The following CLDN14 variants were observed in gnomAD, a reference collection of about 807,000 sequenced individuals.
CLDN14 encodes claudin 14.
In CLDN14, 2 loss-of-function variants were observed where a neutral mutation model predicts 2.1. The observed-to-expected ratio is 0.96, with a 90% CI of 0.39 to 3.01. The LOEUF (loss-of-function observed/expected upper bound fraction) is 3.01, where lower values mean the gene tolerates loss of function less well. Ranked by LOEUF, CLDN14 falls within the 30% of genes most tolerant of loss-of-function variation. The pLI is 0.09. For missense variants in CLDN14, 298 were observed against 328.0 expected, an observed-to-expected ratio of 0.91 and a Z score of 0.71; for synonymous variants, 136 against 154.4, an observed-to-expected ratio of 0.88 and a Z score of 0.88.
At chr21:36,464,376 G>A (rs567879003) in intron 1 of CLDN14, among the ~76,000 whole-genome samples, 3 of 152,204 alleles carry the variant, frequency 2.0e-5, no homozygotes, top group Non-Finnish European at 2.9e-5. Flanking sequence ...GATACACCGA[G>A]TATTTTTCTG....
chr21:36,527,779 T>C (rs907377491), intron 1 of CLDN14, among the ~76,000 whole-genome samples: 38 of 152,118 alleles, frequency 2.5e-4, no homozygotes, highest in African/African-American at 9.2e-4. Context: ...TGAAATCTAA[T>C]GTCCTAATTT....
intron 1 of CLDN14, among the ~76,000 whole-genome samples, chr21:36,559,436 A>T (rs365887): frequency 0.75 from 113,495 of 152,118 alleles, 43,936 homozygotes; most frequent in Non-Finnish European, 0.87. Flanking sequence ...ACCTCAGGTG[A>T]CCCGCCCACC....
intron 1 of CLDN14, among the ~76,000 whole-genome samples, chr21:36,536,933 G>C (rs889043949): frequency 5.9e-5 from 9 of 152,216 alleles, no homozygotes; most frequent in African/African-American, 1.9e-4. Context: ...GCTCACACCT[G>C]TAATCCCAGC....
intron 1 of CLDN14, among the ~76,000 whole-genome samples, chr21:36,525,492 G>C (rs1289025910): frequency 6.6e-6 from 1 of 152,128 alleles, no homozygotes; most frequent in Non-Finnish European, 1.5e-5. Flanking sequence ...TGATGATGGG[G>C]GTTGGAGGAT....
At chr21:36,564,625 G>A (rs1446760337) in intron 1 of CLDN14, among the ~76,000 whole-genome samples, 2 of 152,164 alleles carry the variant, frequency 1.3e-5, no homozygotes, top group Non-Finnish European at 2.9e-5. Context: ...GGCTGTGGTT[G>A]TAAAATAATT....
At chr21:36,489,131 A>AAAAAAAAAAATAT in intron 2 of CLDN14, among the ~76,000 whole-genome samples, 5 of 62,748 alleles carry the variant, frequency 8.0e-5, no homozygotes, top group South Asian at 6.0e-4. Flanking sequence ...AAAAAAAAAA[A>AAAAAAAAAAATAT]ATATATATAT....
At chr21:36,568,114 G>A (rs1408450636) in intron 1 of CLDN14, among the ~76,000 whole-genome samples, 1 of 152,160 alleles carries the variant, frequency 6.6e-6, no homozygotes, top group Non-Finnish European at 1.5e-5. Flanking sequence ...ACAAGTGGGA[G>A]GTTACAGAGT....
At chr21:36,518,118 G>A (rs1395673306) in intron 1 of CLDN14, among the ~76,000 whole-genome samples, 1 of 148,592 alleles carries the variant, frequency 6.7e-6, no homozygotes, top group Non-Finnish European at 1.5e-5. Flanking sequence ...ACGACCTGTT[G>A]GTTTTGTTAC....
intron 2 of CLDN14, among the ~76,000 whole-genome samples, chr21:36,505,068 C>T (rs1022565470): frequency 8.5e-5 from 13 of 152,112 alleles, no homozygotes; most frequent in African/African-American, 3.1e-4. Flanking sequence ...AAAAGGAAGC[C>T]CATGAAGCTT....
At chr21:36,545,155 A>G (rs2087518338) in intron 1 of CLDN14, among the ~76,000 whole-genome samples, 1 of 152,164 alleles carries the variant, frequency 6.6e-6, no homozygotes. Context: ...TGCATTCTCC[A>G]CTTAAACCAG....
intron 1 of CLDN14, among the ~76,000 whole-genome samples, chr21:36,523,784 A>AG (rs1491498017): frequency 8.5e-5 from 1 of 11,732 alleles, no homozygotes; most frequent in African/African-American, 1.2e-4. Context: ...AGAAAGAGAG[A>AG]AAGAAAGAAA....
intron 1 of CLDN14, among the ~76,000 whole-genome samples, chr21:36,559,627 A>G (rs917071467): frequency 1.3e-5 from 2 of 152,270 alleles, no homozygotes; most frequent in African/African-American, 4.8e-5. Flanking sequence ...ACTTAAAAAC[A>G]AGAACAAACA....
In CLDN14 at chr21:36,544,457, C is replaced by T. The variant is rs150120917; in HGVS notation, c.-220+31954G>A. Among the ~76,000 whole-genome samples the T allele has an allele frequency of 1.6e-3, 242 of 152,272 alleles. No homozygotes were observed. Among genetic ancestry groups the T allele is most frequent in the Middle Eastern group, 3.4e-3 (1 of 294 alleles). ...TTCTCCCAGGCCTCAGACAGTCATC[C>T]CTGCCTGCAGCTATTGACTGTTTGC... On this transcript the variant is annotated intron_variant, in intron 1 of 2. Coordinates refer to the CLDN14 transcript ENST00000342108. This position sits in a 1 kb window ranked among gnomAD's most constrained non-coding sequence, Gnocchi z 4.1.
intron 1 of CLDN14, among the ~76,000 whole-genome samples, chr21:36,570,881 G>A (rs1407737765): frequency 2.0e-5 from 3 of 152,106 alleles, no homozygotes. Flanking sequence ...TCGCTCTGTT[G>A]CCCAGGCTGG....
rs1430693827 is a variant in CLDN14, at chr21:36,461,646, C to G, written c.50G>C (p.Gly17Ala). 4 of 1,574,196 alleles carry G rather than the reference C, an allele frequency of 2.5e-6. No homozygotes were observed. Among genetic ancestry groups the G allele is most frequent in the Non-Finnish European group, 3.4e-6 (4 of 1,160,492 alleles). ...GGTGGTGATCAACGTGCCCACCATGCCCAGGAAGCTGAGCAGGAAGCCCAG... is the reference window on the plus strand; with the variant it reads ...GGTGGTGATCAACGTGCCCACCATGGCCAGGAAGCTGAGCAGGAAGCCCAG... The part of the protein sequence containing the change: ...QLLGFLLSFL[G>A]MVGTLITTIL... Residue 17 changes from glycine (G) to alanine (A), a missense_variant, in exon 2 of 2, where the codon GGC becomes GCC. By Grantham distance (60) the Gly-to-Ala change is moderately conservative. Coordinates refer to ENST00000399135, the MANE Select transcript of CLDN14 (RefSeq NM_001146079.2).
intron 1 of CLDN14, chr21:36,542,505 T>C (rs1874467448): frequency 6.6e-6 from 1 of 152,256 alleles, no homozygotes; most frequent in Admixed American, 6.5e-5. Context: ...CTGAGCCAGA[T>C]TCCATGCTAA....
rs778697831 is a variant in CLDN14, at chr21:36,499,129, C to T, written c.-82+11234G>A. ...AGTAGAGAGATGATATCATTGACCA[C>T]AGGACTCAAGAAATAAGCCCAGAGC... On this transcript the variant is annotated intron_variant, in intron 2 of 2. Transcript: ENST00000342108. The surrounding 1 kb of genome is among the most constrained non-coding windows in gnomAD (Gnocchi z 4.7). Among the ~76,000 whole-genome samples, 10 of 152,180 alleles carry T rather than the reference C, an allele frequency of 6.6e-5. No homozygotes were observed. The highest frequency in any genetic ancestry group is 1.2e-4 in the Non-Finnish European group (8 of 68,030).
intron 1 of CLDN14, among the ~76,000 whole-genome samples, chr21:36,533,019 C>T (rs549771285): frequency 2.0e-5 from 3 of 152,302 alleles, no homozygotes; most frequent in African/African-American, 4.8e-5. Context: ...GAGACTCCTG[C>T]GTTTAACATC....
intron 1 of CLDN14, among the ~76,000 whole-genome samples, chr21:36,463,033 CAGAG>C (rs2086599473): frequency 6.6e-6 from 1 of 150,764 alleles, no homozygotes; most frequent in Non-Finnish European, 1.5e-5. Context: ...AGGGGGAGCA[CAGAG>C]AAAGGAAGGA....
Sources: gnomAD v4.1 joint callset for allele counts (sites outside exome capture counted in the v4.1 genomes callset) on GRCh38, gnomAD v4.1.1 for gene constraint, Gnocchi (gnomAD v3.1) non-coding constraint, MANE v1.5 for transcripts, NCBI Gene and HGNC (gene_info 2026-07-23, HGNC 2026-07-21) for gene names.